The following DNAJB1 variants were observed in gnomAD, a reference collection of about 807,000 sequenced individuals.
DNAJB1 encodes the protein dnaJ homolog subfamily B member 1.
A neutral mutation model predicts 24.0 loss-of-function variants in DNAJB1; 14 were observed. That is an observed-to-expected ratio of 0.58 (90% CI 0.39 to 0.91). The LOEUF is 0.91. Ranked by LOEUF, DNAJB1 falls within the 40% of genes least tolerant of loss-of-function variation. DNAJB1 has a pLI of 0.00. For synonymous variants in DNAJB1, 262 were observed against 174.4 expected (o/e 1.50, Z -3.96); for missense variants, 517 against 458.1 (o/e 1.13, Z -1.17).
chr19:14,523,619 TG>T (rs1284809423), intron 2 of DNAJB1, among the ~76,000 whole-genome samples: 7 of 150,346 alleles, frequency 4.7e-5, no homozygotes, highest in African/African-American at 1.5e-4. Flanking sequence ...GCCTTGTTTT[TG>T]TTTTTTTTTT....
At chr19:14,538,748 G>C (rs1425076664) in intron 1 of DNAJB1, among the ~76,000 whole-genome samples, 1 of 151,422 alleles carries the variant, frequency 6.6e-6, no homozygotes, top group Non-Finnish European at 1.5e-5. Flanking sequence ...GGCCAGGCTG[G>C]TCTTGAACTC....
In DNAJB1 at chr19:14,549,395, T is replaced by C. The variant is rs1371688203; in HGVS notation, c.-214+813A>G. 2.0e-5 allele frequency among the ~76,000 whole-genome samples: 3 copies of C among 151,858 alleles called. No individual in the cohort carries two copies. The East Asian group carries it at 5.8e-4, about 29-fold the overall frequency. ...GCCCAGCTAACTTTTGTATTTGTCATAGAGATGGGGTTTCACCATATTGGC... is the reference window on the plus strand; with the variant it reads ...GCCCAGCTAACTTTTGTATTTGTCACAGAGATGGGGTTTCACCATATTGGC... On this transcript the variant is annotated intron_variant, in intron 1 of 3. Coordinates refer to the DNAJB1 transcript ENST00000676982.
At position 14,515,831 on chromosome 19, in the gene DNAJB1, A is replaced by C. The variant is rs534851944; in HGVS notation, c.*109T>G. 1 of 1,013,664 alleles carries C rather than the reference A, an allele frequency of 9.9e-7. No homozygotes were observed. Among genetic ancestry groups the C allele is most frequent in the South Asian group, 1.5e-5 (1 of 68,118 alleles). The allele number at this position is 1,013,664 out of a possible 1,614,324, so 62.8% of individuals were successfully genotyped here. The stretch of plus-strand genomic sequence containing the variant: ...TCTGGAAAACATTCAGCAGTACGAA[A>C]GCCCTCCCTGGGCCCTCCCACCCTC... On this transcript the variant is annotated 3_prime_UTR_variant, in exon 3 of 3. Coordinates refer to ENST00000254322, the MANE Select transcript of DNAJB1 (RefSeq NM_006145.3).
intron 1 of DNAJB1, among the ~76,000 whole-genome samples, chr19:14,528,150 CTGGGATTACAGGTG>C (rs2072473118): frequency 6.6e-6 from 1 of 152,074 alleles, no homozygotes; most frequent in Non-Finnish European, 1.5e-5. Flanking sequence ...TCCCGAAGTG[CTGGGATTACAGGTG>C]TGAGCCACCG....
upstream of DNAJB1, among the ~76,000 whole-genome samples, chr19:14,554,906 G>A (rs1249555975): frequency 2.6e-5 from 4 of 151,906 alleles, no homozygotes; most frequent in Non-Finnish European, 5.9e-5. Flanking sequence ...AGCCTCCTGA[G>A]TAGCTGGGAC....
At chr19:14,540,877 C>T (rs2073073750) in intron 1 of DNAJB1, among the ~76,000 whole-genome samples, 1 of 152,040 alleles carries the variant, frequency 6.6e-6, no homozygotes, top group African/African-American at 2.4e-5. Context: ...TGCTCTTGCC[C>T]AGGCTGGAGT....
At position 14,515,048 on chromosome 19, in the gene DNAJB1, G is replaced by A. The variant is rs1188404525; in HGVS notation, c.*892C>T. On this transcript the variant is annotated 3_prime_UTR_variant, in exon 3 of 3. Transcript: ENST00000254322. The stretch of plus-strand genomic sequence containing the variant: ...AACATATTTACAGACGTTCCACAGT[G>A]CTCCTGTAATCAGAAGCAAAGACCC... 6.6e-6 allele frequency: 1 copy of A among 152,550 alleles called. No homozygotes were observed. The highest frequency in any genetic ancestry group is 2.4e-5 in the African/African-American group (1 of 41,422). The allele number at this position is 152,550 out of a possible 1,614,324, so 9.4% of individuals were successfully genotyped here.
chr19:14,524,207 C>G (rs1467318087), intron 2 of DNAJB1, among the ~76,000 whole-genome samples: 1 of 152,120 alleles, frequency 6.6e-6, no homozygotes, highest in African/African-American at 2.4e-5. Flanking sequence ...TTGCATTACT[C>G]CTGTCTTCAG....
chr19:14,519,630 A>T (rs2072339080), upstream of DNAJB1, among the ~76,000 whole-genome samples: 1 of 152,150 alleles, frequency 6.6e-6, no homozygotes. Flanking sequence ...CTTCCCTCCC[A>T]GTCTGACATC....
upstream of DNAJB1, chr19:14,529,311 C>T (rs2072518558): frequency 4.9e-6 from 2 of 406,406 alleles, no homozygotes; most frequent in Non-Finnish European, 4.7e-6. Context: ...CGTCGCTTAC[C>T]TTGGTTTCCA....
chr19:14,519,709 A>G (rs560749706), upstream of DNAJB1, among the ~76,000 whole-genome samples: 47 of 152,298 alleles, frequency 3.1e-4, no homozygotes, highest in South Asian at 1.0e-3. Flanking sequence ...TGAGAACCTC[A>G]TAAATATTCC....
chr19:14,523,174 C>A (rs2072381748), upstream of DNAJB1, among the ~76,000 whole-genome samples: 1 of 151,834 alleles, frequency 6.6e-6, no homozygotes, highest in African/African-American at 2.4e-5. Context: ...CCACTGTACT[C>A]CAGCCTGGGC....
chr19:14,545,682 CGAGTGCAA>C (rs1474828876), intron 1 of DNAJB1: 1 of 169,114 alleles, frequency 5.9e-6, no homozygotes, highest in Non-Finnish European at 1.3e-5. Flanking sequence ...GCGTGCATGG[CGAGTGCAA>C]ACTGCACAGT....
intron 1 of DNAJB1, among the ~76,000 whole-genome samples, chr19:14,535,543 A>AATAT (rs747348455): frequency 0.011 from 345 of 32,622 alleles, 1 homozygote; most frequent in East Asian, 0.019. Context: ...AAAAAAAAAA[A>AATAT]ATATATATAT....
intron 1 of DNAJB1, among the ~76,000 whole-genome samples, chr19:14,528,813 G>A (rs1169706149): frequency 1.3e-4 from 20 of 152,116 alleles, no homozygotes; most frequent in Admixed American, 1.2e-3. Context: ...GCGTGGTGGC[G>A]GGTGCCTGTA....
rs544324863 is a variant in DNAJB1 at position 14,518,251 on chromosome 19, C to T, written c.99G>A (p.Pro33=). The T allele has an allele frequency of 7.5e-6, 12 of 1,608,242 alleles. No homozygotes were observed. The highest frequency in any genetic ancestry group is 1.7e-4 in the Middle Eastern group (1 of 5,940). ...CGGCGCCGGGCTCCTTGTTCTTGTC[C>T]GGGTGGTAGCGCAGCGCCTGGCGGC... ...AYRRQALRYH[P]DKNKEPGAEE... The change falls in exon 1 of 3, where the codon CCG becomes CCA. Residue 33 remains proline, a synonymous_variant. Coordinates refer to ENST00000254322, the MANE Select transcript of DNAJB1 (RefSeq NM_006145.3).
rs1350357668 is a variant in DNAJB1, at chr19:14,516,712, C to T, written c.546G>A (p.Lys182=). 6.2e-7 allele frequency: 1 copy of T among 1,614,168 alleles called. No homozygotes were observed. Among genetic ancestry groups the T allele is most frequent in the Admixed American group, 1.7e-5 (1 of 60,020 alleles). The part of the protein sequence containing the change: ...LEEIYSGCTK[K]MKISHKRLNP... Reference sequence around the variant, plus strand: ...TTAGCCGCTTGTGGGAGATTTTCATCTTCTTGGTACAGCCGCTGTAGATCT... The same window carrying T: ...TTAGCCGCTTGTGGGAGATTTTCATTTTCTTGGTACAGCCGCTGTAGATCT... The change falls in exon 2 of 3, where the codon AAG becomes AAA. Residue 182 remains lysine (K), a synonymous_variant. Coordinates refer to ENST00000254322, the MANE Select transcript of DNAJB1 (RefSeq NM_006145.3).
chr19:14,540,330 AGT>A (rs2073054545), intron 1 of DNAJB1, among the ~76,000 whole-genome samples: 1 of 151,468 alleles, frequency 6.6e-6, no homozygotes, highest in African/African-American at 2.4e-5. Context: ...AGCCTCCCAA[AGT>A]GTTGGGATTA....
upstream of DNAJB1, among the ~76,000 whole-genome samples, chr19:14,552,037 GGT>G (rs1451796003): frequency 1.4e-5 from 2 of 145,618 alleles, no homozygotes; most frequent in African/African-American, 5.1e-5. Flanking sequence ...TGCAGTCAGT[GGT>G]GCAGTCATAA....
Sources: gnomAD v4.1 joint callset for allele counts (sites outside exome capture counted in the v4.1 genomes callset) on GRCh38, gnomAD v4.1.1 for gene constraint, MANE v1.5 for transcripts, NCBI Gene and HGNC (gene_info 2026-07-23, HGNC 2026-07-21) for gene names.